MRTFB: variants seen among roughly 807,000 people sequenced by gnomAD.
MRTFB encodes the protein myocardin related transcription factor B, also known as myocardin-related transcription factor B.
A neutral mutation model predicts 104.2 loss-of-function variants in MRTFB; 29 were observed. That is an observed-to-expected ratio of 0.28 (90% CI 0.21 to 0.38). MRTFB has a LOEUF of 0.38. Among genes scored for constraint, MRTFB ranks in the 10% least tolerant of loss-of-function variants. The pLI, the probability that MRTFB is intolerant of heterozygous loss-of-function variation, is 1.00. For missense variants in MRTFB, 1,270 were observed against 1,341.6 expected (o/e 0.95, Z 0.83); for synonymous variants, 535 against 519.5 (o/e 1.03, Z -0.41).
chr16:14,094,867 GA>G (rs1339022110), intron 2 of MRTFB, among the ~76,000 whole-genome samples: 1 of 152,120 alleles, frequency 6.6e-6, no homozygotes, highest in African/African-American at 2.4e-5. Context: ...CTTTTTTGGA[GA>G]AACAAAGGAT....
chr16:14,079,408 T>C, intron 2 of MRTFB, 54 bp downstream of exon 2: 1 of 337,174 alleles, frequency 3.0e-6, no homozygotes, highest in Non-Finnish European at 5.4e-6. Flanking sequence ...TCTTTCTTTC[T>C]TTTACCTCCT....
rs532651010 is a variant in MRTFB at position 14,231,626 on chromosome 16, A to G, written c.694-2520A>G. Among the ~76,000 whole-genome samples the G allele has an allele frequency of 7.7e-4, 117 of 151,548 alleles. 1 individual carries two copies. The highest frequency in any genetic ancestry group is 1.7e-3 in the Admixed American group (26 of 15,224). ...TCATTTAGCTCCCGCTTGTGAGAAC[A>G]TGCAGTATTTGGTTTTCTGTTCCTG... On this transcript the variant is annotated intron_variant, in intron 8 of 16. Coordinates refer to ENST00000571589, the MANE Select transcript of MRTFB (RefSeq NM_001308142.2).
chr16:14,186,086 T>C (rs1269418214), intron 3 of MRTFB, among the ~76,000 whole-genome samples: 3 of 152,228 alleles, frequency 2.0e-5, no homozygotes, highest in Admixed American at 2.0e-4. Context: ...ATGGCAATGT[T>C]AACTCTCCCA....
intron 3 of MRTFB, among the ~76,000 whole-genome samples, chr16:14,149,015 C>G (rs898514318): frequency 6.6e-6 from 1 of 152,156 alleles, no homozygotes; most frequent in Non-Finnish European, 1.5e-5. Flanking sequence ...CCAGCTCTCT[C>G]AATTAGTCAG....
At chr16:14,235,296 C>T (rs1228346071) in intron 9 of MRTFB, among the ~76,000 whole-genome samples, 1 of 152,208 alleles carries the variant, frequency 6.6e-6, no homozygotes, top group African/African-American at 2.4e-5. Context: ...TGTGTTTCCC[C>T]ATCTTCTGTT....
At chr16:14,114,324 T>C (rs886347008) in intron 2 of MRTFB, among the ~76,000 whole-genome samples, 1 of 152,248 alleles carries the variant, frequency 6.6e-6, no homozygotes, top group Admixed American at 6.5e-5. Flanking sequence ...TATAGAACTA[T>C]TCATTTTACC....
chr16:14,150,917 A>G (rs2038581924), intron 3 of MRTFB: 1 of 152,216 alleles, frequency 6.6e-6, no homozygotes, highest in Admixed American at 6.5e-5. Flanking sequence ...TAGGAGTCTC[A>G]TTATGCAGAG....
Position 14,213,476 on chromosome 16 carries a change from C to CGTATT in MRTFB, c.277-69_277-68insGTATT, listed in dbSNP as rs888424840. On this transcript the variant is annotated intron_variant, in intron 5 of 16. Coordinates refer to ENST00000571589, the MANE Select transcript of MRTFB (RefSeq NM_001308142.2). The stretch of plus-strand genomic sequence containing the variant: ...GCGTATCGTTTATTTAAATGGAATA[C>CGTATT]CTTAAAGAACATTTAAAACCACAAT... 92 of 1,112,182 alleles carry CGTATT rather than the reference C, an allele frequency of 8.3e-5. No homozygotes were observed. In the African/African-American group the frequency reaches 1.3e-3, roughly 16 times the overall value. The allele number at this position is 1,112,182 out of a possible 1,614,324, so 68.9% of individuals were successfully genotyped here.
chr16:14,218,542 C>T (rs1219846625), intron 7 of MRTFB, among the ~76,000 whole-genome samples: 4 of 151,966 alleles, frequency 2.6e-5, no homozygotes, highest in South Asian at 2.1e-4. Flanking sequence ...TTACTGATTG[C>T]ATTTGCATCC....
intron 15 of MRTFB, among the ~76,000 whole-genome samples, chr16:14,253,840 T>A (rs989404043): frequency 6.6e-6 from 1 of 152,142 alleles, no homozygotes; most frequent in Non-Finnish European, 1.5e-5. Context: ...GAGGGAAAAG[T>A]CAGATTTCAA....
intron 2 of MRTFB, among the ~76,000 whole-genome samples, chr16:14,080,444 C>T (rs1053178573): frequency 3.3e-5 from 5 of 152,148 alleles, no homozygotes; most frequent in African/African-American, 7.2e-5. Context: ...TTCAATCTAG[C>T]TAATTATGCG....
At chr16:14,189,422 T>C (rs1398267177) in intron 3 of MRTFB, among the ~76,000 whole-genome samples, 1 of 152,192 alleles carries the variant, frequency 6.6e-6, no homozygotes, top group Non-Finnish European at 1.5e-5. Flanking sequence ...TGGAAGTTAA[T>C]TGAGATGGCA....
At chr16:14,058,804 T>A in the MRTFB span, among the ~76,000 whole-genome samples, 1 of 143,188 alleles carries the variant, frequency 7.0e-6, no homozygotes, top group African/African-American at 2.6e-5. Flanking sequence ...CTGCAACCTC[T>A]GCCTCCTGGA....
the MRTFB span, among the ~76,000 whole-genome samples, chr16:14,003,645 C>CTGCCTGCCTGCCTGCCTCT: frequency 3.6e-5 from 1 of 28,090 alleles, no homozygotes; most frequent in South Asian, 6.2e-4. Context: ...TGCCTGCCTC[C>CTGCCTGCCTGCCTGCCTCT]CTCCCTCCCT....
chr16:14,000,715 G>A, the MRTFB span, among the ~76,000 whole-genome samples: 3 of 152,142 alleles, frequency 2.0e-5, no homozygotes, highest in Non-Finnish European at 4.4e-5. Context: ...AAGTATCATT[G>A]TGTGTCTCCT....
In MRTFB at chr16:14,213,527, CT is replaced by C. The variant is rs756527861; in HGVS notation, c.277-11del. 12 of 1,554,746 alleles carry C rather than the reference CT, an allele frequency of 7.7e-6. No homozygotes were observed. The highest frequency in any genetic ancestry group is 5.6e-5 in the Admixed American group (3 of 53,324). On this transcript the variant is annotated splice_polypyrimidine_tract_variant and intron_variant, in intron 5 of 16. Coordinates refer to ENST00000571589, the MANE Select transcript of MRTFB (RefSeq NM_001308142.2). The stretch of plus-strand genomic sequence containing the variant: ...AAATAATAAATGATTTATGGTAAGA[CT>C]TTTTTTCTTTTTAAAGACTGAAAAC...
intron 3 of MRTFB, among the ~76,000 whole-genome samples, chr16:14,148,438 AT>A (rs754352650): frequency 3.3e-5 from 5 of 152,148 alleles, no homozygotes; most frequent in Non-Finnish European, 5.9e-5. Flanking sequence ...ATCCATGACA[AT>A]TTTTCTTTGT....
chr16:14,175,105 A>G (rs1452523863), intron 3 of MRTFB, among the ~76,000 whole-genome samples: 3 of 152,128 alleles, frequency 2.0e-5, no homozygotes, highest in African/African-American at 7.2e-5. Context: ...GTGTTACGTA[A>G]AGGAATTTCT....
chr16:14,240,707 A>G, intron 10 of MRTFB: 1 of 840,382 alleles, frequency 1.2e-6, no homozygotes, highest in South Asian at 1.3e-5. Flanking sequence ...GAATTTTTAC[A>G]AGTTAGAAAT....
Sources: gnomAD v4.1 joint callset for allele counts (sites outside exome capture counted in the v4.1 genomes callset) on GRCh38, gnomAD v4.1.1 for gene constraint, MANE v1.5 for transcripts, NCBI Gene and HGNC (gene_info 2026-07-23, HGNC 2026-07-21) for gene names.